WDR59: variants seen among roughly 807,000 people sequenced by gnomAD.
The protein encoded by WDR59 is GATOR2 complex protein WDR59.
In WDR59, 100 loss-of-function variants were observed where a neutral mutation model predicts 131.2. That is an observed-to-expected ratio of 0.76 (90% CI 0.65 to 0.90). The LOEUF (loss-of-function observed/expected upper bound fraction) is 0.90. Ranked by LOEUF, WDR59 falls within the 40% of genes least tolerant of loss-of-function variation. WDR59 has a pLI of 0.00. For synonymous variants in WDR59, 601 were observed against 466.2 expected, an observed-to-expected ratio of 1.29 and a Z score of -3.72; for missense variants, 1,203 against 1,262.2, an observed-to-expected ratio of 0.95 and a Z score of 0.71.
chr16:74,932,170 T>G (rs1447451073), intron 8 of WDR59, among the ~76,000 whole-genome samples: 1 of 151,664 alleles, frequency 6.6e-6, no homozygotes, highest in African/African-American at 2.4e-5. Flanking sequence ...CACAGCTCAT[T>G]GCAGCCTCAA....
chr16:74,905,139 G>T (rs1029474928), intron 17 of WDR59, among the ~76,000 whole-genome samples: 1 of 152,188 alleles, frequency 6.6e-6, no homozygotes, highest in African/African-American at 2.4e-5. Flanking sequence ...ACTTTGGGAG[G>T]CCAAGGCGGG....
At chr16:74,967,506 C>T (rs2145202142) in intron 1 of WDR59, among the ~76,000 whole-genome samples, 1 of 152,238 alleles carries the variant, frequency 6.6e-6, no homozygotes. Flanking sequence ...GAACACAAAT[C>T]TAGCTACTAT....
chr16:74,909,527 G>C lies in WDR59; in HGVS notation c.1616C>G (p.Thr539Ser). 6.3e-7 allele frequency: 1 copy of C among 1,596,294 alleles called. No individual in the cohort carries two copies. The highest frequency in any genetic ancestry group is 8.5e-7 in the Non-Finnish European group (1 of 1,173,688). Residue 539 changes from threonine to serine, a missense_variant, in exon 16 of 26, where the codon ACT (threonine) becomes AGT (serine). Coordinates refer to ENST00000262144, the MANE Select transcript of WDR59 (RefSeq NM_030581.4). ...TGCTCCGCAGAACCTGGCCCCAGAA[G>C]TCCTAGGAAAGGGAATGTTGGCGTC... Reference protein sequence around the residue: ...YQDANIPFPRTSGARFCGAGY... With the variant: ...YQDANIPFPRSSGARFCGAGY...
Position 74,873,903 on chromosome 16 carries a change from G to T in WDR59, c.*306C>A. 2.7e-6 allele frequency: 1 copy of T among 375,330 alleles called. No homozygotes were observed. The highest frequency in any genetic ancestry group is 2.8e-5 in the South Asian group (1 of 35,164). The allele number at this position is 375,330 out of a possible 1,614,324, so 23.2% of individuals were successfully genotyped here. A position where few individuals can be genotyped will look rare whatever the true frequency, so the allele number is the denominator to read the frequency against. On this transcript the variant is annotated 3_prime_UTR_variant, in exon 26 of 26. Transcript: ENST00000262144. The stretch of plus-strand genomic sequence containing the variant: ...CTTACAGGGTAACACTGTAACACTG[G>T]CCCTGGAGCCAGGTGCTTTTCTCCA...
At chr16:74,912,961 T>C (rs562787774) in intron 13 of WDR59, among the ~76,000 whole-genome samples, 1 of 152,284 alleles carries the variant, frequency 6.6e-6, no homozygotes, top group Non-Finnish European at 1.5e-5. Context: ...CTTGCCCTCA[T>C]TCCGGTAAAC....
intron 18 of WDR59, among the ~76,000 whole-genome samples, chr16:74,902,183 T>G (rs969438529): frequency 2.6e-5 from 4 of 152,144 alleles, no homozygotes; most frequent in African/African-American, 9.7e-5. Flanking sequence ...ATATAAGAGT[T>G]TCATATGAAA....
In WDR59 at chr16:74,961,505, G is replaced by A; in HGVS notation, c.104+4268C>T. 1.3e-5 allele frequency among the ~76,000 whole-genome samples: 2 copies of A among 152,094 alleles called. 1 individual carries two copies. The highest frequency in any genetic ancestry group is 1.3e-4 in the Admixed American group (2 of 15,258). On this transcript the variant is annotated intron_variant, in intron 2 of 25. Coordinates refer to ENST00000262144, the MANE Select transcript of WDR59 (RefSeq NM_030581.4). ...ATTGCCACTCTGACTGGCGAGAGAT[G>A]GTCTCTCATTGTGGTTTTGATTTGC...
At chr16:74,896,914 G>A (rs1965322273) in intron 18 of WDR59, among the ~76,000 whole-genome samples, 2 of 152,126 alleles carry the variant, frequency 1.3e-5, no homozygotes, top group Admixed American at 1.3e-4. Context: ...AGGACATGAG[G>A]CTTACTCTAG....
chr16:74,965,688 A>C, intron 2 of WDR59, 85 bp downstream of exon 2: 1 of 1,505,922 alleles, frequency 6.6e-7, no homozygotes, highest in African/African-American at 1.4e-5. Flanking sequence ...CCGTAAATAT[A>C]AGAATAGCTT....
intron 25 of WDR59, among the ~76,000 whole-genome samples, chr16:74,875,397 C>A (rs2144742942): frequency 6.6e-6 from 1 of 152,320 alleles, no homozygotes; most frequent in East Asian, 1.9e-4. Flanking sequence ...CCAGACTGAC[C>A]TTTCTGCTGG....
chr16:74,902,186 A>T (rs1965585057), intron 18 of WDR59, among the ~76,000 whole-genome samples: 1 of 152,202 alleles, frequency 6.6e-6, no homozygotes, highest in South Asian at 2.1e-4. Context: ...TAAGAGTTTC[A>T]TATGAAATTA....
chr16:74,897,608 C>G (rs1333101003), intron 18 of WDR59, among the ~76,000 whole-genome samples: 3 of 152,162 alleles, frequency 2.0e-5, no homozygotes, highest in African/African-American at 7.2e-5. Context: ...ATAAGAGGTG[C>G]TTTATGAAAC....
At position 74,902,918 on chromosome 16, in the gene WDR59, G is replaced by GA. The variant is rs747213089; in HGVS notation, c.1866+1028dup. On this transcript the variant is annotated intron_variant, in intron 18 of 25. Coordinates refer to ENST00000262144, the MANE Select transcript of WDR59 (RefSeq NM_030581.4). ...GAAGGGGACTATAGGAAAGTGTCCA[G>GA]AAAAAAAAAAAAAATCATTTTCCCT... Among the ~76,000 whole-genome samples the GA allele has an allele frequency of 8.2e-3, 1,129 of 137,430 alleles. 7 individuals are homozygous for GA. The highest frequency in any genetic ancestry group is 0.022 in the Middle Eastern group (6 of 270). 90.2% of individuals were successfully genotyped at this position (137,430 alleles called of 152,430 possible).
Position 74,874,570 on chromosome 16 carries a change from T to G in WDR59, c.2690-126A>C. ...ACTCTAGCAGATTCTCTTAGACCAG[T>G]GGTTTTCATTTTCTGTTTTTTTTAT... On this transcript the variant is annotated intron_variant, in intron 25 of 25. Coordinates refer to ENST00000262144, the MANE Select transcript of WDR59 (RefSeq NM_030581.4). 7 of 733,128 alleles carry G rather than the reference T, an allele frequency of 9.5e-6. 1 individual carries two copies. In the South Asian group the frequency reaches 1.3e-4, roughly 14 times the overall value. 45.4% of individuals were successfully genotyped at this position (733,128 alleles called of 1,614,324 possible). A position where few individuals can be genotyped will look rare whatever the true frequency, so the allele number is the denominator to read the frequency against.
rs748370300 is a variant in WDR59, at chr16:74,938,283, C to A, written c.535-17G>T. ...ACTGGGTTTCTGCAACAGATCAGCA[C>A]CTAATATTATCGATTTAGAAAGAAC... On this transcript the variant is annotated splice_polypyrimidine_tract_variant and intron_variant, in intron 7 of 25. Transcript: ENST00000262144. 2.8e-6 allele frequency: 4 copies of A among 1,445,720 alleles called. No individual in the cohort carries two copies. In the African/African-American group the frequency reaches 5.8e-5, roughly 21 times the overall value. 89.6% of individuals were successfully genotyped at this position (1,445,720 alleles called of 1,614,324 possible).
intron 18 of WDR59, among the ~76,000 whole-genome samples, chr16:74,897,860 T>C (rs936762394): frequency 6.6e-6 from 1 of 152,096 alleles, no homozygotes; most frequent in Non-Finnish European, 1.5e-5. Flanking sequence ...ATATCTCCCC[T>C]TCAGGCTTCA....
At chr16:74,882,138 A>T (rs1964515892) in intron 25 of WDR59, among the ~76,000 whole-genome samples, 1 of 152,172 alleles carries the variant, frequency 6.6e-6, no homozygotes, top group Non-Finnish European at 1.5e-5. Context: ...ATCCCGCATG[A>T]CACTTTATAA....
intron 8 of WDR59, among the ~76,000 whole-genome samples, chr16:74,936,869 G>A (rs565812546): frequency 5.3e-5 from 8 of 151,826 alleles, no homozygotes; most frequent in Admixed American, 4.0e-4. Flanking sequence ...AACGTAATAC[G>A]AACGAACAAA....
At chr16:74,935,856 A>T (rs1309897267) in intron 8 of WDR59, among the ~76,000 whole-genome samples, 5 of 151,998 alleles carry the variant, frequency 3.3e-5, no homozygotes, top group Admixed American at 6.6e-5. Context: ...AGTTAGCTGG[A>T]CATGGTGGCA....
Sources: allele counts gnomAD v4.1 joint callset (sites outside exome capture counted in the v4.1 genomes callset), GRCh38; gene constraint gnomAD v4.1.1; transcripts MANE v1.5; gene names NCBI Gene and HGNC (gene_info 2026-07-23, HGNC 2026-07-21).